The following WWOX variants were observed in gnomAD, a reference collection of about 807,000 sequenced individuals.
WWOX encodes the protein WW domain containing oxidoreductase, also known as WW domain-containing oxidoreductase.
In WWOX, 69 loss-of-function variants were observed where a neutral mutation model predicts 46.2. That is an observed-to-expected ratio of 1.49 (90% CI 1.23 to 1.82). WWOX has a LOEUF of 1.82. Ranked by LOEUF, WWOX falls within the 40% of genes most tolerant of loss-of-function variation. The pLI is 0.00. For missense variants in WWOX, 919 were observed against 542.6 expected (o/e 1.69, Z -6.89); for synonymous variants, 359 against 202.6 (o/e 1.77, Z -6.56).
intron 8 of WWOX, among the ~76,000 whole-genome samples, chr16:78,919,520 T>G (rs936345337): frequency 1.7e-4 from 3 of 17,532 alleles, no homozygotes; most frequent in Admixed American, 1.4e-3. Context: ...TATCTTTTTG[T>G]TTTGTTTTTT....
chr16:78,822,085 C>T (rs2051514042), intron 8 of WWOX, among the ~76,000 whole-genome samples: 1 of 152,062 alleles, frequency 6.6e-6, no homozygotes, highest in Non-Finnish European at 1.5e-5. Context: ...GTGCATTGGC[C>T]AGACTGACCT....
intron 8 of WWOX, among the ~76,000 whole-genome samples, chr16:78,573,309 A>AAAAC: frequency 6.6e-6 from 1 of 152,280 alleles, no homozygotes; most frequent in Middle Eastern, 3.4e-3. Flanking sequence ...AAAACAAAAC[A>AAAAC]AAAAAGGTTT....
At chr16:79,123,853 G>C (rs1233925791) in intron 8 of WWOX, among the ~76,000 whole-genome samples, 3 of 152,148 alleles carry the variant, frequency 2.0e-5, no homozygotes. Flanking sequence ...GAAACTGATT[G>C]ATATACAGCA....
chr16:78,651,827 G>C (rs1299243978), intron 8 of WWOX, among the ~76,000 whole-genome samples: 1 of 152,196 alleles, frequency 6.6e-6, no homozygotes, highest in African/African-American at 2.4e-5. Flanking sequence ...TGATTGGTTG[G>C]ACTCATGCCT....
intron 8 of WWOX, among the ~76,000 whole-genome samples, chr16:78,939,121 C>G (rs1038146242): frequency 7.2e-5 from 11 of 152,158 alleles, no homozygotes; most frequent in African/African-American, 2.4e-4. Context: ...GATTTTCTGC[C>G]CATTGACTTG....
intron 8 of WWOX, among the ~76,000 whole-genome samples, chr16:78,801,067 T>C (rs1453049902): frequency 6.6e-6 from 1 of 152,092 alleles, no homozygotes; most frequent in Non-Finnish European, 1.5e-5. Context: ...CTTTTTTTTT[T>C]TTTAAAGACA....
At chr16:79,117,524 C>G (rs907265978) in intron 8 of WWOX, among the ~76,000 whole-genome samples, 3 of 152,198 alleles carry the variant, frequency 2.0e-5, no homozygotes, top group East Asian at 1.9e-4. Context: ...CTTGAAGTCA[C>G]CAGCAGGGAA....
intron 5 of WWOX, among the ~76,000 whole-genome samples, chr16:78,172,870 A>T (rs901190788): frequency 6.6e-6 from 1 of 152,218 alleles, no homozygotes; most frequent in South Asian, 2.1e-4. Flanking sequence ...TTCAGCCGCC[A>T]ATGGCTGAAA....
chr16:79,055,727 T>A (rs1414774840), intron 8 of WWOX, among the ~76,000 whole-genome samples: 1 of 152,210 alleles, frequency 6.6e-6, no homozygotes, highest in Non-Finnish European at 1.5e-5. Context: ...GTGAATTTAA[T>A]TTTTCTATGT....
rs116600206 is a variant in WWOX, at chr16:79,112,784, C to T, written c.1057-98824C>T. On this transcript the variant is annotated intron_variant, in intron 8 of 8. Coordinates refer to ENST00000566780, the MANE Select transcript of WWOX (RefSeq NM_016373.4). ...CAGGAGAGAAATCATCTAGTTTCGCCGCCTCGTTTTACAGATGAGGAAACT... is the reference window on the plus strand; with the variant it reads ...CAGGAGAGAAATCATCTAGTTTCGCTGCCTCGTTTTACAGATGAGGAAACT... 5.5e-3 allele frequency among the ~76,000 whole-genome samples: 835 copies of T among 152,172 alleles called. 3 individuals are homozygous for T. The highest frequency in any genetic ancestry group is 0.027 in the Middle Eastern group (8 of 294).
intron 8 of WWOX, among the ~76,000 whole-genome samples, chr16:78,720,924 G>A (rs2048674412): frequency 6.6e-6 from 1 of 152,120 alleles, no homozygotes; most frequent in African/African-American, 2.4e-5. Context: ...TCCTCAGGAT[G>A]AAACCAAGAG....
At chr16:78,594,326 C>T (rs1353823734) in intron 8 of WWOX, among the ~76,000 whole-genome samples, 2 of 151,414 alleles carry the variant, frequency 1.3e-5, no homozygotes, top group Non-Finnish European at 2.9e-5. Context: ...CAGCAATACT[C>T]TCCAGCAGCA....
Position 78,810,866 on chromosome 16 carries a change from A to C in WWOX, c.1056+378114A>C, listed in dbSNP as rs546320437. On this transcript the variant is annotated intron_variant, in intron 8 of 8. Transcript: ENST00000566780. ...GATCCAAAAAGACAAGTGCTCAGTC[A>C]TTTTGTCATAATGCCAGAAGAGACA... is the stretch of plus-strand genomic sequence containing the variant. Among the ~76,000 whole-genome samples the C allele has an allele frequency of 2.6e-5, 4 of 152,322 alleles. No individual in the cohort carries two copies. The East Asian group carries it at 5.8e-4, about 22-fold the overall frequency.
intron 8 of WWOX, among the ~76,000 whole-genome samples, chr16:78,770,701 C>G (rs932103797): frequency 5.9e-5 from 9 of 151,482 alleles, no homozygotes; most frequent in Non-Finnish European, 1.3e-4. Flanking sequence ...GGGAGATGCC[C>G]CTATGGGAGC....
chr16:78,326,744 A>G (rs962493828), intron 5 of WWOX, among the ~76,000 whole-genome samples: 1 of 151,988 alleles, frequency 6.6e-6, no homozygotes, highest in South Asian at 2.1e-4. Context: ...CATGGACTTA[A>G]TTGTTTCATT....
chr16:78,750,533 T>A (rs146554475), intron 8 of WWOX, among the ~76,000 whole-genome samples: 10 of 152,100 alleles, frequency 6.6e-5, no homozygotes, highest in African/African-American at 2.2e-4. Flanking sequence ...GTAGGTCTGT[T>A]ACATGGATAT....
chr16:78,205,985 C>T (rs184344781), intron 5 of WWOX, among the ~76,000 whole-genome samples: 1 of 151,892 alleles, frequency 6.6e-6, no homozygotes, highest in Admixed American at 6.6e-5. Context: ...TTCCTCCCTC[C>T]CTTCCTCCCT....
At chr16:78,452,117 T>C (rs2083704209) in intron 8 of WWOX, among the ~76,000 whole-genome samples, 1 of 152,190 alleles carries the variant, frequency 6.6e-6, no homozygotes. Flanking sequence ...AATAAAATGA[T>C]TTATGTTGAA....
rs753663273 is a variant in WWOX, at chr16:78,099,778, C to T, written c.-1C>T. ...GGGGCCAGGTGCCTCCACAGTCAGC[C>T]ATGGCAGCGCTGCGCTACGCGGGGC... On this transcript the variant is annotated 5_prime_UTR_variant, in exon 1 of 9. Transcript: ENST00000566780. The T allele has an allele frequency of 7.1e-6, 11 of 1,548,394 alleles. No individual in the cohort carries two copies. Among genetic ancestry groups the T allele is most frequent in the Non-Finnish European group, 7.0e-6 (8 of 1,148,430 alleles).
Sources: allele counts gnomAD v4.1 joint callset (sites outside exome capture counted in the v4.1 genomes callset), GRCh38; gene constraint gnomAD v4.1.1; transcripts MANE v1.5; gene names NCBI Gene and HGNC (gene_info 2026-07-23, HGNC 2026-07-21).